Variants in MECOM observed in about 807,000 individuals in gnomAD.
MECOM encodes the protein histone-lysine N-methyltransferase MECOM.
In MECOM, 13 loss-of-function variants were observed where a neutral mutation model predicts 116.3. The ratio of observed to expected loss-of-function variants is 0.11; its 90% CI spans 0.07 to 0.18. MECOM has a LOEUF of 0.18. MECOM is among the 10% of genes least tolerant of loss of function. The pLI is 1.00. For synonymous variants in MECOM, 528 were observed against 535.2 expected (o/e 0.99, Z 0.19); for missense variants, 1,299 against 1,509.0 (o/e 0.86, Z 2.31).
At chr3:169,098,474 G>A (rs1722456942) in intron 12 of MECOM, among the ~76,000 whole-genome samples, 1 of 152,192 alleles carries the variant, frequency 6.6e-6, no homozygotes, top group Non-Finnish European at 1.5e-5. Context: ...GAGGCAATAT[G>A]CCCTCTCAGT....
intron 1 of MECOM, among the ~76,000 whole-genome samples, chr3:169,416,848 C>A (rs539012278): frequency 9.9e-4 from 150 of 152,142 alleles, no homozygotes; most frequent in Non-Finnish European, 1.6e-3. Flanking sequence ...CAAAAACAAG[C>A]AATGGGGAAA....
rs386352330 is a variant in MECOM, at chr3:169,090,087, A to G, written c.3314T>C (p.Val1105Ala). 1 of 1,613,576 alleles carries G rather than the reference A, an allele frequency of 6.2e-7. No individual in the cohort carries two copies. The highest frequency in any genetic ancestry group is 1.7e-5 in the Admixed American group (1 of 59,976). Reference protein sequence around the residue: ...DITGKTGKEPVTSNLHEGNPE... With the variant: ...DITGKTGKEPATSNLHEGNPE... The stretch of plus-strand genomic sequence containing the variant: ...GTTTCCTTCATGTAAATTACTTGTC[A>G]CTGGTTCCTTTCCTGTTTTTCCAGT... Residue 1105 changes from valine to alanine, a missense_variant, in exon 15 of 17, where the codon GTG (valine) becomes GCG (alanine). Transcript: ENST00000651503.
intron 1 of MECOM, among the ~76,000 whole-genome samples, chr3:169,620,827 A>G (rs990830917): frequency 6.7e-6 from 1 of 149,582 alleles, no homozygotes; most frequent in African/African-American, 2.5e-5. Flanking sequence ...GTTTTTTTAA[A>G]GTATCTTTAT....
intron 1 of MECOM, among the ~76,000 whole-genome samples, chr3:169,598,959 C>T (rs544167856): frequency 1.3e-5 from 2 of 152,212 alleles, no homozygotes; most frequent in East Asian, 3.9e-4. Flanking sequence ...TATGTGACTG[C>T]CTAATAGAAT....
intron 2 of MECOM, among the ~76,000 whole-genome samples, chr3:169,320,417 G>C (rs969228849): frequency 6.6e-6 from 1 of 152,184 alleles, no homozygotes; most frequent in Non-Finnish European, 1.5e-5. Flanking sequence ...GATGACGTAA[G>C]GTCCCTGAGG....
chr3:169,301,164 T>C (rs577862441), intron 2 of MECOM, among the ~76,000 whole-genome samples: 4 of 152,322 alleles, frequency 2.6e-5, no homozygotes, highest in Non-Finnish European at 2.9e-5. Flanking sequence ...TTCTACACAA[T>C]GTTATGATTA....
At chr3:169,131,293 C>T in intron 4 of MECOM, 136 bp downstream of exon 4, 1 of 745,302 alleles carries the variant, frequency 1.3e-6, no homozygotes, top group Non-Finnish European at 2.3e-6. Flanking sequence ...ATAGCTGCTT[C>T]AAGAGAAGGA....
chr3:169,315,594 G>A (rs1463038488), intron 2 of MECOM, among the ~76,000 whole-genome samples: 2 of 152,238 alleles, frequency 1.3e-5, no homozygotes, highest in South Asian at 2.1e-4. Flanking sequence ...GGGAGTGTAT[G>A]TAACAAGAAT....
chr3:169,367,270 T>G (rs553599492), intron 2 of MECOM, among the ~76,000 whole-genome samples: 1 of 152,050 alleles, frequency 6.6e-6, no homozygotes. Flanking sequence ...TATACAGGGA[T>G]AGTGGATTTA....
At chr3:169,481,484 C>T (rs1266860366) in intron 1 of MECOM, among the ~76,000 whole-genome samples, 1 of 151,934 alleles carries the variant, frequency 6.6e-6, no homozygotes, top group African/African-American at 2.4e-5. Context: ...ACCTGGGAGG[C>T]AGGGGGTGCA....
chr3:169,088,863 C>T, intron 16 of MECOM, 137 bp downstream of exon 16: 2 of 713,894 alleles, frequency 2.8e-6, no homozygotes, highest in East Asian at 6.3e-5. Flanking sequence ...AAGATATGAA[C>T]ATTTTTAGAA....
intron 1 of MECOM, among the ~76,000 whole-genome samples, chr3:169,392,161 G>C (rs1284352767): frequency 1.3e-5 from 2 of 152,126 alleles, no homozygotes; most frequent in African/African-American, 4.8e-5. Flanking sequence ...CAGTTAGCAG[G>C]ATTTAAGCTA....
intron 2 of MECOM, among the ~76,000 whole-genome samples, chr3:169,343,434 A>G (rs371368933): frequency 6.6e-6 from 1 of 152,166 alleles, no homozygotes; most frequent in African/African-American, 2.4e-5. Flanking sequence ...GGTCCAAGGA[A>G]GAAGGCCACT....
chr3:169,131,826 T>C, intron 3 of MECOM: 1 of 755,150 alleles, frequency 1.3e-6, no homozygotes, highest in South Asian at 3.8e-5. Flanking sequence ...TCCTGTGTAA[T>C]GTTTAACGAA....
intron 2 of MECOM, among the ~76,000 whole-genome samples, chr3:169,291,264 G>T (rs1414614609): frequency 2.6e-5 from 4 of 152,056 alleles, no homozygotes; most frequent in African/African-American, 7.2e-5. Context: ...GCTCCCTAGG[G>T]CTTTCTCCAA....
At chr3:169,308,966 G>A (rs145985568) in intron 2 of MECOM, among the ~76,000 whole-genome samples, 2 of 152,262 alleles carry the variant, frequency 1.3e-5, no homozygotes, top group Admixed American at 6.5e-5. Context: ...CCACCACTAA[G>A]GTTTAACTCA....
chr3:169,656,931 C>A (rs1424884519), intron 1 of MECOM, among the ~76,000 whole-genome samples: 2 of 152,144 alleles, frequency 1.3e-5, no homozygotes, highest in African/African-American at 4.8e-5. Context: ...TGTTTAAATG[C>A]TGAATAATTA....
chr3:169,093,070 C>G lies in MECOM; in HGVS notation c.3052G>C (p.Glu1018Gln). 1 of 1,613,232 alleles carries G rather than the reference C, an allele frequency of 6.2e-7. No individual in the cohort carries two copies. The highest frequency in any genetic ancestry group is 8.5e-7 in the Non-Finnish European group (1 of 1,179,598). The stretch of plus-strand genomic sequence containing the variant: ...TCATCCAGAATCGCACCTGTACTTT[C>G]CAGTTCAGAATGAGGCGACGATGTT... ...TATSSPHSEL[E>Q]STGAILDDKE... Residue 1018 changes from glutamate (E) to glutamine (Q), a missense_variant, in exon 14 of 17, where the codon GAA (glutamate) becomes CAA (glutamine). Glu to Gln is a conservative substitution (Grantham distance 29, BLOSUM62 2). Around this residue, in one of 6 missense-constraint regions of MECOM, gnomAD observed 273 missense variants for 289.3 expected, o/e 0.94. Coordinates refer to ENST00000651503, the MANE Select transcript of MECOM (RefSeq NM_004991.4).
intron 1 of MECOM, among the ~76,000 whole-genome samples, chr3:169,416,566 G>GA (rs1426240567): frequency 2.7e-5 from 4 of 149,902 alleles, no homozygotes; most frequent in South Asian, 2.1e-4. Flanking sequence ...AAAAACTCTT[G>GA]AAAAAAATCA....
Sources: gnomAD v4.1 joint callset for allele counts (sites outside exome capture counted in the v4.1 genomes callset) on GRCh38, gnomAD v4.1.1 for gene constraint, gnomAD v4.1.1 regional missense constraint, MANE v1.5 for transcripts, NCBI Gene and HGNC (gene_info 2026-07-23, HGNC 2026-07-21) for gene names.